The following GFUS variants were observed in gnomAD, a reference collection of about 807,000 sequenced individuals.
GFUS encodes GDP-L-fucose synthase.
Under a neutral mutation model 41.5 loss-of-function variants are expected in GFUS, and 42 were observed. The observed-to-expected ratio is 1.01, with a 90% CI of 0.79 to 1.31. The LOEUF (loss-of-function observed/expected upper bound fraction) is 1.31. Among genes scored for constraint, GFUS ranks in the 50% most tolerant of loss-of-function variants. GFUS has a pLI of 0.00. For synonymous variants in GFUS, 188 were observed against 173.4 expected, an observed-to-expected ratio of 1.08 and a Z score of -0.66; for missense variants, 437 against 428.7, an observed-to-expected ratio of 1.02 and a Z score of -0.17.
At chr8:143,617,011 G>A (rs1829744657) in intron 1 of GFUS, 4 of 440,516 alleles carry the variant, frequency 9.1e-6, no homozygotes, top group East Asian at 3.8e-5. Flanking sequence ...ACTCCCCTCT[G>A]ACTGACAAGA....
At chr8:143,616,058 A>G in intron 3 of GFUS, 48 bp downstream of exon 3, 1 of 1,476,400 alleles carries the variant, frequency 6.8e-7, no homozygotes, top group South Asian at 1.3e-5. Flanking sequence ...AAGTTCCCAG[A>G]ACCTGGGATC....
At chr8:143,616,763 C>G in intron 1 of GFUS, 40 bp from the exon 2 acceptor site, 1 of 1,610,790 alleles carries the variant, frequency 6.2e-7, no homozygotes, top group Non-Finnish European at 8.5e-7. Context: ...TCATCACGCT[C>G]TCATCCTTTG....
At chr8:143,613,057 A>G (rs909328907) in intron 10 of GFUS, 92 bp from the exon 11 acceptor site, 5 of 1,570,138 alleles carry the variant, frequency 3.2e-6, no homozygotes, top group Non-Finnish European at 4.3e-6. Flanking sequence ...CAGGGAAGTC[A>G]CCCCTCAGAG....
Position 143,614,362 on chromosome 8 carries a change from G to C in GFUS, c.556C>G (p.His186Asp). The stretch of plus-strand genomic sequence containing the variant: ...TTGTGGATGAGGCCAGGCAGCACGT[G>C]GCCATCCTCGATGTTGAAGTTGTCG... ...PHDNFNIEDG[H>D]VLPGLIHKVH... The change falls in exon 6 of 11, where the codon CAC becomes GAC. Residue 186 changes from histidine (H) to aspartate (D), a missense_variant. By Grantham distance (81) the His-to-Asp change is moderately conservative (BLOSUM62 -1). Coordinates refer to ENST00000425753, the MANE Select transcript of GFUS (RefSeq NM_003313.4). 1 of 1,613,894 alleles carries C rather than the reference G, an allele frequency of 6.2e-7. No homozygotes were observed. The highest frequency in any genetic ancestry group is 8.5e-7 in the Non-Finnish European group (1 of 1,179,974).
Position 143,616,733 on chromosome 8 carries a change from C to T in GFUS, c.-11-10G>A. 3 of 1,613,534 alleles carry T rather than the reference C, an allele frequency of 1.9e-6. No individual in the cohort carries two copies. Among genetic ancestry groups the T allele is most frequent in the Non-Finnish European group, 2.5e-6 (3 of 1,179,950 alleles). On this transcript the variant is annotated splice_polypyrimidine_tract_variant and intron_variant, in intron 1 of 10. Coordinates refer to ENST00000425753, the MANE Select transcript of GFUS (RefSeq NM_003313.4). ...CCCATGTCAGTTGCACCTGTAATGT[C>T]AAACAGTGGGAGGCTGAGGTCATCA...
At chr8:143,617,699 G>C (rs935061230), upstream of GFUS, 1 of 152,050 alleles carries the variant, frequency 6.6e-6, no homozygotes, top group Non-Finnish European at 1.5e-5. Context: ...GCGCGGGCGG[G>C]TCCCCGGACG....
rs1470694912 is a variant in GFUS, at chr8:143,616,221, C to A, written c.147-1G>T. On this transcript the variant is annotated splice_acceptor_variant, in intron 2 of 10. Transcript: ENST00000425753. LOFTEE classifies it high-confidence loss of function. ...CAGGGCGCGGGTCTGTGCTGTATCCCTGTAGGAAGCCAGGCTGTCAGGAGG... is the reference window on the plus strand; with the variant it reads ...CAGGGCGCGGGTCTGTGCTGTATCCATGTAGGAAGCCAGGCTGTCAGGAGG... 5 of 1,613,794 alleles carry A rather than the reference C, an allele frequency of 3.1e-6. No homozygotes were observed. Among genetic ancestry groups the A allele is most frequent in the Non-Finnish European group, 4.2e-6 (5 of 1,179,920 alleles).
In GFUS at chr8:143,616,889, TCC is replaced by T. The variant is rs1429598711; in HGVS notation, c.-11-168_-11-167del. 1.9e-5 allele frequency: 15 copies of T among 785,374 alleles called. No homozygotes were observed. In the South Asian group the frequency reaches 2.6e-4, roughly 14 times the overall value. The allele number at this position is 785,374 out of a possible 1,614,324, so 48.7% of individuals were successfully genotyped here. A position where few individuals can be genotyped will look rare whatever the true frequency, so the allele number is the denominator to read the frequency against. Reference sequence around the variant, plus strand: ...AGGCACTCCCTCGTCGCAGCCCTGTTCCCCTGGGAGCTCTCAGCCTACAGCGC... The same window carrying T: ...AGGCACTCCCTCGTCGCAGCCCTGTTCCTGGGAGCTCTCAGCCTACAGCGC... On this transcript the variant is annotated intron_variant, in intron 1 of 10. Coordinates refer to ENST00000425753, the MANE Select transcript of GFUS (RefSeq NM_003313.4).
chr8:143,613,991 G>A (rs892469254), intron 7 of GFUS, among the ~76,000 whole-genome samples, 173 bp downstream of exon 7: 3 of 152,190 alleles, frequency 2.0e-5, no homozygotes, highest in Non-Finnish European at 4.4e-5. Context: ...CCTGGAGACA[G>A]GAGCCTATGG....
Position 143,616,159 on chromosome 8 carries a change from C to T in GFUS, c.208G>A (p.Ala70Thr). The change falls in exon 3 of 11, where the codon GCT (alanine) becomes ACT (threonine). Residue 70 changes from alanine to threonine, a missense_variant. Physicochemically the swap from Ala to Thr is moderately conservative, Grantham distance 58. Transcript: ENST00000425753. ...KVQPTHVIHL[A>T]AMVGGLFRNI... ...CGGAACAGGCCCCCCACCATTGCAG[C>T]AAGATGGATGACGTGTGTGGGTTGG... 2.5e-6 allele frequency: 4 copies of T among 1,613,252 alleles called. No homozygotes were observed. Among genetic ancestry groups the T allele is most frequent in the Non-Finnish European group, 3.4e-6 (4 of 1,179,498 alleles).
chr8:143,614,101 G>A, intron 7 of GFUS, 63 bp downstream of exon 7: 1 of 1,599,812 alleles, frequency 6.3e-7, no homozygotes, highest in Non-Finnish European at 8.5e-7. Context: ...CAGCCCAGCA[G>A]GGGCCAGCCC....
In GFUS at chr8:143,614,831, A is replaced by T. The variant is rs766090028; in HGVS notation, c.346T>A (p.Cys116Ser). Reference sequence around the variant, plus strand: ...TAGGTCGTCTTGTCAGGGAAGATACAGGTGGACAGGCAGGACACCACCTTG... The same window carrying T: ...TAGGTCGTCTTGTCAGGGAAGATACTGGTGGACAGGCAGGACACCACCTTG... The part of the protein sequence containing the change: ...ARKVVSCLST[C>S]IFPDKTTYPI... The change falls in exon 4 of 11, where the codon TGT becomes AGT. Residue 116 changes from cysteine to serine, a missense_variant. Cys to Ser is a moderately radical substitution (Grantham distance 112, BLOSUM62 -1). Transcript: ENST00000425753. 6.2e-7 allele frequency: 1 copy of T among 1,613,772 alleles called. No individual in the cohort carries two copies.
At chr8:143,613,690 C>G in intron 8 of GFUS, 61 bp downstream of exon 8, 1 of 1,569,944 alleles carries the variant, frequency 6.4e-7, no homozygotes, top group Non-Finnish European at 8.6e-7. Context: ...GCCAGCCTCC[C>G]AGGACAACCT....
chr8:143,614,555 G>A (rs138093039), intron 5 of GFUS, 69 bp downstream of exon 5: 25,092 of 1,556,858 alleles, frequency 0.016, 282 homozygotes, highest in Middle Eastern at 0.023. Flanking sequence ...CCGACCAGCC[G>A]GCCCCACCCG....
chr8:143,613,349 C>G lies in GFUS; in HGVS notation c.811-54G>C. ...AAGAGCACCTCCACCCCAGCCCCCG[C>G]AGCTTGCCCTTGAACCTCTGCCATT... On this transcript the variant is annotated intron_variant, in intron 9 of 10. Transcript: ENST00000425753. 1.9e-6 allele frequency: 3 copies of G among 1,573,434 alleles called. 1 individual carries two copies. The South Asian group carries it at 3.3e-5, about 17-fold the overall frequency.
At position 143,614,367 on chromosome 8, in the gene GFUS, T is replaced by C; in HGVS notation, c.551A>G (p.Asp184Gly). ...GATGAGGCCAGGCAGCACGTGGCCA[T>C]CCTCGATGTTGAAGTTGTCGTGGGG... ...FGPHDNFNIE[D>G]GHVLPGLIHK... Residue 184 changes from aspartate to glycine, a missense_variant, in exon 6 of 11, where the codon GAT becomes GGT. Asp to Gly is a moderately conservative substitution (Grantham distance 94). Coordinates refer to ENST00000425753, the MANE Select transcript of GFUS (RefSeq NM_003313.4). The C allele has an allele frequency of 6.2e-7, 1 of 1,613,860 alleles. No homozygotes were observed. The highest frequency in any genetic ancestry group is 1.3e-5 in the African/African-American group (1 of 75,040).
At position 143,617,489 on chromosome 8, in the gene GFUS, C is replaced by T. The variant is rs1260150340; in HGVS notation, c.-27G>A. 2.0e-5 allele frequency: 3 copies of T among 152,300 alleles called. No homozygotes were observed. The highest frequency in any genetic ancestry group is 6.5e-5 in the Admixed American group (1 of 15,288). The allele number at this position is 152,300 out of a possible 1,614,324, so 9.4% of individuals were successfully genotyped here. A position where few individuals can be genotyped will look rare whatever the true frequency, so the allele number is the denominator to read the frequency against. ...GCCACCTCACCTGCGTCCAGCCCCA[C>T]CGCCGGCTCCCCGACAGCGGCTTCC... On this transcript the variant is annotated 5_prime_UTR_variant, in exon 1 of 11. It adds an upstream start codon to the 5' untranslated region. Transcript: ENST00000425753.
At chr8:143,614,564 C>G in intron 5 of GFUS, 60 bp downstream of exon 5, 1 of 1,558,996 alleles carries the variant, frequency 6.4e-7, no homozygotes, top group Non-Finnish European at 8.7e-7. Context: ...CGGCCCCACC[C>G]GCCCCTGGGG....
chr8:143,613,068 C>T, intron 10 of GFUS, 103 bp from the exon 11 acceptor site: 1 of 1,559,516 alleles, frequency 6.4e-7, no homozygotes, highest in Non-Finnish European at 8.8e-7. Context: ...CCCCTCAGAG[C>T]TTTGGTGTCC....
Sources: allele counts gnomAD v4.1 joint callset (sites outside exome capture counted in the v4.1 genomes callset), GRCh38; gene constraint gnomAD v4.1.1; transcripts MANE v1.5; gene names NCBI Gene and HGNC (gene_info 2026-07-23, HGNC 2026-07-21).